The following MSRB3 variants were observed in gnomAD, a reference collection of about 807,000 sequenced individuals.
MSRB3 encodes methionine-R-sulfoxide reductase B3.
A neutral mutation model predicts 21.0 loss-of-function variants in MSRB3; 13 were observed. The ratio of observed to expected loss-of-function variants is 0.62; its 90% CI spans 0.40 to 0.98. The LOEUF (loss-of-function observed/expected upper bound fraction) is 0.98. Among genes scored for constraint, MSRB3 ranks in the 50% least tolerant of loss-of-function variants. The pLI is 0.00. For synonymous variants in MSRB3, 87 were observed against 88.6 expected (o/e 0.98, Z 0.10); for missense variants, 199 against 230.3 (o/e 0.86, Z 0.88).
At chr12:65,352,402 A>G (rs991471835) in intron 4 of MSRB3, among the ~76,000 whole-genome samples, 2 of 149,738 alleles carry the variant, frequency 1.3e-5, no homozygotes, top group African/African-American at 5.0e-5. Flanking sequence ...GAAAACTGGC[A>G]CAAGACAGGG....
rs549928433 is a variant in MSRB3 at position 65,300,349 on chromosome 12, C to T, written c.-51-8180C>T. 1.1e-4 allele frequency among the ~76,000 whole-genome samples: 16 copies of T among 152,262 alleles called. No individual in the cohort carries two copies. The East Asian group carries it at 2.5e-3, about 24-fold the overall frequency. ...TGGGAATATGAGAGGGCAGCCGTATCTTCTGACTAAATTAAGAATCTCTTT... is the reference window on the plus strand; with the variant it reads ...TGGGAATATGAGAGGGCAGCCGTATTTTCTGACTAAATTAAGAATCTCTTT... On this transcript the variant is annotated intron_variant, in intron 1 of 6. Coordinates refer to ENST00000308259, the MANE Select transcript of MSRB3 (RefSeq NM_001031679.3).
intron 2 of MSRB3, among the ~76,000 whole-genome samples, chr12:65,313,271 C>T (rs1368893056): frequency 6.6e-6 from 1 of 152,028 alleles, no homozygotes; most frequent in Non-Finnish European, 1.5e-5. Flanking sequence ...CACATTAAAG[C>T]CACATCCATC....
chr12:65,298,467 A>G (rs1045441298), intron 1 of MSRB3, among the ~76,000 whole-genome samples: 3 of 152,200 alleles, frequency 2.0e-5, no homozygotes, highest in Non-Finnish European at 2.9e-5. Context: ...ACGAAGAAAA[A>G]CAGTATAGGA....
chr12:65,433,652 A>G (rs1332283613), intron 5 of MSRB3, among the ~76,000 whole-genome samples: 1 of 151,902 alleles, frequency 6.6e-6, no homozygotes, highest in Non-Finnish European at 1.5e-5. Context: ...TATGATATTG[A>G]TAGCTTTCCT....
At chr12:65,423,360 T>G (rs1472681436) in intron 5 of MSRB3, among the ~76,000 whole-genome samples, 1 of 152,228 alleles carries the variant, frequency 6.6e-6, no homozygotes, top group East Asian at 1.9e-4. Flanking sequence ...TTTTGCCTAA[T>G]TGCTCTGACT....
At chr12:65,348,892 CG>C (rs1168056610) in intron 4 of MSRB3, among the ~76,000 whole-genome samples, 4 of 150,418 alleles carry the variant, frequency 2.7e-5, no homozygotes, top group African/African-American at 7.4e-5. Context: ...TGTGGTTGTG[CG>C]GTTTTGAGTG....
chr12:65,397,479 T>G (rs2136593786), intron 5 of MSRB3, among the ~76,000 whole-genome samples: 1 of 152,246 alleles, frequency 6.6e-6, no homozygotes, highest in Middle Eastern at 3.4e-3. Flanking sequence ...TTGCCATTGG[T>G]TTTTTCTTTT....
chr12:65,327,048 T>C (rs1875094120), intron 3 of MSRB3, 114 bp downstream of exon 3: 4 of 779,062 alleles, frequency 5.1e-6, no homozygotes, highest in Non-Finnish European at 6.6e-6. Flanking sequence ...CTTGCTAAAG[T>C]CTATGAATTA....
intron 5 of MSRB3, among the ~76,000 whole-genome samples, chr12:65,436,531 T>C (rs1242175229): frequency 2.0e-5 from 3 of 151,868 alleles, no homozygotes; most frequent in African/African-American, 7.2e-5. Context: ...TTCCAAAGGG[T>C]CTGGAACAAC....
intron 5 of MSRB3, among the ~76,000 whole-genome samples, chr12:65,447,199 C>A (rs1882658418): frequency 6.6e-6 from 1 of 152,156 alleles, no homozygotes; most frequent in Non-Finnish European, 1.5e-5. Context: ...AGGATACAAA[C>A]CCATACTACA....
At chr12:65,418,699 G>A (rs968276234) in intron 5 of MSRB3, 2 of 771,870 alleles carry the variant, frequency 2.6e-6, no homozygotes, top group Middle Eastern at 3.6e-4. Flanking sequence ...CAGCTCCCCA[G>A]AGAGTACCCT....
At chr12:65,309,494 G>A (rs115021593) in intron 2 of MSRB3, among the ~76,000 whole-genome samples, 2 of 152,126 alleles carry the variant, frequency 1.3e-5, no homozygotes, top group Non-Finnish European at 2.9e-5. Flanking sequence ...ATAAGGTAAA[G>A]CTGATTTTTT....
chr12:65,326,870 C>G lies in MSRB3; in HGVS notation c.121C>G (p.Gln41Glu), dbSNP rs1254469733. 1 of 1,612,062 alleles carries G rather than the reference C, an allele frequency of 6.2e-7. No individual in the cohort carries two copies. Among genetic ancestry groups the G allele is most frequent in the African/African-American group, 1.3e-5 (1 of 74,316 alleles). Residue 41 changes from glutamine (Q) to glutamate (E), a missense_variant, in exon 3 of 7, where the codon CAG becomes GAG. Physicochemically the swap from Gln to Glu is conservative, Grantham distance 29 (BLOSUM62 2). Coordinates refer to ENST00000308259, the MANE Select transcript of MSRB3 (RefSeq NM_001031679.3). ...KKNCKVVFSQ[Q>E]ELRKRLTPLQ... Reference sequence around the variant, plus strand: ...GAACTGTAAGGTGGTCTTTTCCCAGCAGGAACTGAGGAAGCGGCTAACACC... The same window carrying G: ...GAACTGTAAGGTGGTCTTTTCCCAGGAGGAACTGAGGAAGCGGCTAACACC...
intron 1 of MSRB3, chr12:65,279,099 G>C: frequency 7.2e-7 from 1 of 1,388,546 alleles, no homozygotes; most frequent in Non-Finnish European, 9.3e-7. Flanking sequence ...CCCACCCGCC[G>C]AAGGGAGGCG....
In MSRB3 at chr12:65,351,981, G is replaced by C. The variant is rs556854615; in HGVS notation, c.264-17017G>C. Among the ~76,000 whole-genome samples the C allele has an allele frequency of 3.4e-3, 523 of 152,168 alleles. 4 individuals carry two copies. The highest frequency in any genetic ancestry group is 0.012 in the African/African-American group (491 of 41,474). On this transcript the variant is annotated intron_variant, in intron 4 of 6. Transcript: ENST00000308259. ...CATTTTATGAGGCCAGCATCATTCT[G>C]ATACCAAAGCCGGACAGAGACACAA...
At chr12:65,432,703 G>T (rs1881939280) in intron 5 of MSRB3, among the ~76,000 whole-genome samples, 1 of 151,800 alleles carries the variant, frequency 6.6e-6, no homozygotes, top group African/African-American at 2.4e-5. Context: ...TCTTAAAGCA[G>T]TTAGAGACAG....
At chr12:65,282,248 C>T (rs1324194090) in intron 1 of MSRB3, among the ~76,000 whole-genome samples, 2 of 151,186 alleles carry the variant, frequency 1.3e-5, no homozygotes, top group South Asian at 2.1e-4. Context: ...ACCAGGGAAG[C>T]GGATGTTGCA....
At chr12:65,395,123 G>C (rs1879706489) in intron 5 of MSRB3, among the ~76,000 whole-genome samples, 1 of 152,162 alleles carries the variant, frequency 6.6e-6, no homozygotes. Context: ...ACTCAGATTG[G>C]AAAGGAGTGA....
intron 2 of MSRB3, among the ~76,000 whole-genome samples, chr12:65,310,018 G>T (rs1439837867): frequency 6.6e-6 from 1 of 152,166 alleles, no homozygotes; most frequent in Non-Finnish European, 1.5e-5. Flanking sequence ...AGTATGGTAG[G>T]AGGTCAGTGC....
Sources: allele counts gnomAD v4.1 joint callset (sites outside exome capture counted in the v4.1 genomes callset), GRCh38; gene constraint gnomAD v4.1.1; transcripts MANE v1.5; gene names NCBI Gene and HGNC (gene_info 2026-07-23, HGNC 2026-07-21).